Variants in SEMA3C observed in about 807,000 individuals in gnomAD.
The protein encoded by SEMA3C is semaphorin 3C.
In SEMA3C, 47 loss-of-function variants were observed where a neutral mutation model predicts 89.4. The observed-to-expected ratio is 0.53, with a 90% CI of 0.42 to 0.67. The LOEUF (loss-of-function observed/expected upper bound fraction) is 0.67. SEMA3C is among the 30% of genes least tolerant of loss of function. The probability of loss-of-function intolerance (pLI) is 0.00; values close to 1 mark genes in which losing one functional copy is unlikely to be tolerated. For missense variants in SEMA3C, 839 were observed against 929.1 expected, an observed-to-expected ratio of 0.90 and a Z score of 1.26; for synonymous variants, 310 against 320.2, an observed-to-expected ratio of 0.97 and a Z score of 0.34.
intron 2 of SEMA3C, among the ~76,000 whole-genome samples, chr7:80,849,262 A>G (rs1285851880): frequency 6.6e-6 from 1 of 152,174 alleles, no homozygotes; most frequent in Non-Finnish European, 1.5e-5. Flanking sequence ...CTTTCCACCT[A>G]CAATTTCAAA....
At chr7:80,842,281 C>A (rs1583931188) in intron 2 of SEMA3C, among the ~76,000 whole-genome samples, 1 of 152,168 alleles carries the variant, frequency 6.6e-6, no homozygotes, top group East Asian at 1.9e-4. Flanking sequence ...TTGTGCTAGA[C>A]TGCGAAACCA....
In SEMA3C at chr7:80,745,087, A is replaced by G. The variant is rs1392431511; in HGVS notation, c.2063T>C (p.Phe688Ser). ...TWASSVRALP[F>S]HPKDIMGAFS... ...TGCCCCCATGATGTCCTTCGGGTGG[A>G]AGGGTAAAGCCCTCACAGAGCTGGC... is the stretch of plus-strand genomic sequence containing the variant. Residue 688 changes from phenylalanine (F) to serine (S), a missense_variant, in exon 18 of 18, where the codon TTC (phenylalanine) becomes TCC (serine). Coordinates refer to ENST00000265361, the MANE Select transcript of SEMA3C (RefSeq NM_006379.5). The G allele has an allele frequency of 6.2e-7, 1 of 1,613,894 alleles. No homozygotes were observed. The highest frequency in any genetic ancestry group is 8.5e-7 in the Non-Finnish European group (1 of 1,179,974).
intron 2 of SEMA3C, among the ~76,000 whole-genome samples, chr7:80,913,199 G>A (rs1314686458): frequency 6.6e-6 from 1 of 152,070 alleles, no homozygotes; most frequent in Non-Finnish European, 1.5e-5. Context: ...TCAGGAGTTC[G>A]AGACCAGCCG....
At chr7:80,853,441 A>G (rs1281871650) in intron 2 of SEMA3C, among the ~76,000 whole-genome samples, 2 of 152,254 alleles carry the variant, frequency 1.3e-5, no homozygotes, top group African/African-American at 4.8e-5. Flanking sequence ...CAGCCATTAA[A>G]AAGAATGCGA....
chr7:80,872,223 T>C (rs1179463231), intron 2 of SEMA3C, among the ~76,000 whole-genome samples: 2 of 152,136 alleles, frequency 1.3e-5, no homozygotes, highest in African/African-American at 4.8e-5. Flanking sequence ...CAATCTCGGC[T>C]CACTGCAACC....
intron 2 of SEMA3C, among the ~76,000 whole-genome samples, chr7:80,863,814 CAT>C (rs1207081953): frequency 3.4e-5 from 4 of 116,544 alleles, no homozygotes; most frequent in East Asian, 5.6e-4. Context: ...ATATGTGATA[CAT>C]ATATATGTGA....
chr7:80,787,156 G>A (rs994442071), intron 12 of SEMA3C, among the ~76,000 whole-genome samples: 7 of 152,090 alleles, frequency 4.6e-5, no homozygotes, highest in African/African-American at 1.7e-4. Context: ...CACTTTGGGA[G>A]GCCAAGGTGG....
intron 12 of SEMA3C, among the ~76,000 whole-genome samples, chr7:80,772,461 G>GC (rs747769902): frequency 1.5e-4 from 23 of 152,126 alleles, no homozygotes; most frequent in Non-Finnish European, 3.1e-4. Flanking sequence ...TTCTCACATG[G>GC]TAAGCTTTGA....
At chr7:80,873,252 T>C (rs1791114676) in intron 2 of SEMA3C, among the ~76,000 whole-genome samples, 1 of 152,168 alleles carries the variant, frequency 6.6e-6, no homozygotes, top group African/African-American at 2.4e-5. Flanking sequence ...AAGTGTGGTA[T>C]AAACTGGTTG....
chr7:80,763,038 G>C (rs979941381), intron 13 of SEMA3C, among the ~76,000 whole-genome samples: 1 of 151,896 alleles, frequency 6.6e-6, no homozygotes, highest in African/African-American at 2.4e-5. Context: ...ACACACACAT[G>C]CACACACACA....
At chr7:80,834,178 G>A (rs112152920) in intron 2 of SEMA3C, among the ~76,000 whole-genome samples, 1,559 of 152,134 alleles carry the variant, frequency 0.01, 12 homozygotes, top group Non-Finnish European at 0.015. Context: ...TGGCCCCTGG[G>A]AAAATCTCCC....
At chr7:80,785,297 A>T (rs1435954959) in intron 12 of SEMA3C, among the ~76,000 whole-genome samples, 1 of 152,202 alleles carries the variant, frequency 6.6e-6, no homozygotes, top group African/African-American at 2.4e-5. Flanking sequence ...TTGCATTCCA[A>T]TGAACTGTCA....
intron 12 of SEMA3C, among the ~76,000 whole-genome samples, chr7:80,775,580 T>C (rs1262628581): frequency 6.6e-6 from 1 of 152,110 alleles, no homozygotes; most frequent in East Asian, 1.9e-4. Flanking sequence ...CTTAAGTTTG[T>C]TTTCTTTTTT....
At chr7:80,800,540 T>C (rs1789177461) in intron 10 of SEMA3C, among the ~76,000 whole-genome samples, 1 of 152,212 alleles carries the variant, frequency 6.6e-6, no homozygotes, top group African/African-American at 2.4e-5. Context: ...AAAAATATCA[T>C]GCAATCATTA....
intron 15 of SEMA3C, among the ~76,000 whole-genome samples, chr7:80,758,003 A>AAATT (rs1230104875): frequency 6.6e-5 from 10 of 152,082 alleles, no homozygotes; most frequent in African/African-American, 2.2e-4. Flanking sequence ...AAAAAGATAT[A>AAATT]AATTAGGTGA....
At chr7:80,759,182 C>T (rs1788131319) in intron 14 of SEMA3C, among the ~76,000 whole-genome samples, 1 of 152,016 alleles carries the variant, frequency 6.6e-6, no homozygotes, top group African/African-American at 2.4e-5. Context: ...TGGTTTGATT[C>T]CTTTAGCTGT....
intron 11 of SEMA3C, 64 bp downstream of exon 11, chr7:80,798,028 T>C: frequency 2.0e-6 from 3 of 1,482,670 alleles, no homozygotes; most frequent in South Asian, 2.5e-5. Flanking sequence ...CCCACAGATA[T>C]TCATTACCTG....
intron 1 of SEMA3C, among the ~76,000 whole-genome samples, chr7:80,918,087 C>A (rs1792320330): frequency 6.6e-6 from 1 of 152,110 alleles, no homozygotes; most frequent in Non-Finnish European, 1.5e-5. Flanking sequence ...ACAGTTTCTT[C>A]CTGCTTCCAC....
intron 2 of SEMA3C, among the ~76,000 whole-genome samples, chr7:80,831,732 T>G (rs960978219): frequency 7.2e-5 from 11 of 152,070 alleles, no homozygotes; most frequent in African/African-American, 2.7e-4. Context: ...TATGCTAAAA[T>G]GGAAAAGAAA....
Sources: allele counts gnomAD v4.1 joint callset (sites outside exome capture counted in the v4.1 genomes callset), GRCh38; gene constraint gnomAD v4.1.1; transcripts MANE v1.5; gene names NCBI Gene and HGNC (gene_info 2026-07-23, HGNC 2026-07-21).